NEUROD1: variants seen among roughly 807,000 people sequenced by gnomAD.
NEUROD1 encodes neuronal differentiation 1.
NEUROD1 carries 9 observed loss-of-function variants against 21.8 expected under a neutral mutation model. The observed-to-expected ratio is 0.41, with a 90% CI of 0.25 to 0.72. NEUROD1 has a LOEUF of 0.72. NEUROD1 is among the 30% of genes least tolerant of loss of function. The pLI is 0.31. For missense variants in NEUROD1, 434 were observed against 468.8 expected, an observed-to-expected ratio of 0.93 and a Z score of 0.69; for synonymous variants, 199 against 186.2, an observed-to-expected ratio of 1.07 and a Z score of -0.56.
At position 181,676,960 on chromosome 2, in the gene NEUROD1, T is replaced by C. The variant is rs1005173529; in HGVS notation, c.*830A>G. On this transcript the variant is annotated 3_prime_UTR_variant, in exon 2 of 2. Transcript: ENST00000295108. Reference sequence around the variant, plus strand: ...TGTTGGCATTTATTTATAATATGTATATACAAGCTTGTGCAAGTAATGTGT... The same window carrying C: ...TGTTGGCATTTATTTATAATATGTACATACAAGCTTGTGCAAGTAATGTGT... 2.0e-5 allele frequency: 3 copies of C among 152,488 alleles called. No individual in the cohort carries two copies. Among genetic ancestry groups the C allele is most frequent in the African/African-American group, 7.2e-5 (3 of 41,440 alleles). The allele number at this position is 152,488 out of a possible 1,614,324, so 9.4% of individuals were successfully genotyped here.
downstream of NEUROD1, among the ~76,000 whole-genome samples, chr2:181,670,065 A>C (rs145773074): frequency 3.0e-3 from 450 of 152,360 alleles, 4 homozygotes; most frequent in African/African-American, 0.01. Flanking sequence ...CTTGTGTGTT[A>C]AATGAGTGTC....
chr2:181,678,082 G>C lies in NEUROD1; in HGVS notation c.779C>G (p.Pro260Arg). 1.2e-6 allele frequency: 2 copies of C among 1,614,230 alleles called. No homozygotes were observed. Among genetic ancestry groups the C allele is most frequent in the Non-Finnish European group, 1.7e-6 (2 of 1,180,054 alleles). The change falls in exon 2 of 2, where the codon CCT becomes CGT. Residue 260 changes from proline (P) to arginine (R), a missense_variant. Pro to Arg is a moderately radical substitution (Grantham distance 103). Coordinates refer to ENST00000295108, the MANE Select transcript of NEUROD1 (RefSeq NM_002500.5). This position sits in a 1 kb window ranked among gnomAD's most constrained non-coding sequence, Gnocchi z 5.5. ...GGAAGGGCTGGTGCAATCAGTCAGA[G>C]GGCTTTCAAAGAAGGGCTCCAGCGC... ...SAALEPFFESPLTDCTSPSFD... is the reference protein window; with the variant it reads ...SAALEPFFESRLTDCTSPSFD...
rs140129079 is a variant in NEUROD1, at chr2:181,677,826, G to T, written c.1035C>A (p.Val345=). 57 of 1,614,006 alleles carry T rather than the reference G, an allele frequency of 3.5e-5. No individual in the cohort carries two copies. Among genetic ancestry groups the T allele is most frequent in the Non-Finnish European group, 4.6e-5 (54 of 1,180,004 alleles). Residue 345 remains valine (V), a synonymous_variant, in exon 2 of 2, where the codon GTC becomes GTA. Coordinates refer to ENST00000295108, the MANE Select transcript of NEUROD1 (RefSeq NM_002500.5). Reference sequence around the variant, plus strand: ...ATATGGCATTGAGCTGGGCACTCATGACTCGCTCATGATGTGAATGGCTAT... The same window carrying T: ...ATATGGCATTGAGCTGGGCACTCATTACTCGCTCATGATGTGAATGGCTAT... The part of the protein sequence containing the change: ...SFDSHSHHER[V]MSAQLNAIFH...
chr2:181,674,324 A>G (rs558196874), downstream of NEUROD1, among the ~76,000 whole-genome samples: 13 of 152,262 alleles, frequency 8.5e-5, no homozygotes, highest in South Asian at 2.1e-3. Flanking sequence ...AACTAAACGA[A>G]ATATTTTTTC....
chr2:181,677,590 A>ATAG lies in NEUROD1; in HGVS notation c.*199_*200insCTA. ...ATTTTTTAAATAGAAGAGCTATAGA[A>ATAG]AATAATACATAAGGTGAACAGGAAC... On this transcript the variant is annotated 3_prime_UTR_variant, in exon 2 of 2. Transcript: ENST00000295108. The ATAG allele has an allele frequency of 1.1e-6, 1 of 915,194 alleles. No individual in the cohort carries two copies. The highest frequency in any genetic ancestry group is 1.6e-6 in the Non-Finnish European group (1 of 610,140). 56.7% of individuals were successfully genotyped at this position (915,194 alleles called of 1,614,324 possible). A position where few individuals can be genotyped will look rare whatever the true frequency, so the allele number is the denominator to read the frequency against.
downstream of NEUROD1, among the ~76,000 whole-genome samples, chr2:181,669,029 A>T (rs1322393270): frequency 6.6e-6 from 1 of 152,138 alleles, no homozygotes; most frequent in Non-Finnish European, 1.5e-5. Flanking sequence ...CCTGACTCCT[A>T]TATCTGGATA....
Position 181,678,195 on chromosome 2 carries a change from C to A in NEUROD1, c.666G>T (p.Gln222His), listed in dbSNP as rs760454308. The A allele has an allele frequency of 1.2e-6, 2 of 1,613,966 alleles. No individual in the cohort carries two copies. The highest frequency in any genetic ancestry group is 1.7e-6 in the Non-Finnish European group (2 of 1,180,002). ...ASFPVHPYSY[Q>H]SPGLPSPPYG... The stretch of plus-strand genomic sequence containing the variant: ...AAGGCGGACTGGGCAGCCCAGGCGA[C>A]TGGTAGGAGTAGGGGTGTACAGGGA... The change falls in exon 2 of 2, where the codon CAG becomes CAT. Residue 222 changes from glutamine to histidine, a missense_variant. Coordinates refer to ENST00000295108, the MANE Select transcript of NEUROD1 (RefSeq NM_002500.5). This position sits in a 1 kb window ranked among gnomAD's most constrained non-coding sequence, Gnocchi z 5.5.
downstream of NEUROD1, among the ~76,000 whole-genome samples, chr2:181,672,206 C>T (rs917146824): frequency 1.3e-5 from 2 of 152,066 alleles, no homozygotes; most frequent in Admixed American, 1.3e-4. Flanking sequence ...ACTCATGATC[C>T]TCAAAAAGGA....
downstream of NEUROD1, among the ~76,000 whole-genome samples, chr2:181,671,885 C>T (rs895776631): frequency 1.3e-5 from 2 of 152,168 alleles, no homozygotes; most frequent in Admixed American, 6.5e-5. Context: ...TGCAATACCC[C>T]TTCATTGACG....
chr2:181,671,645 G>A (rs1025055166), downstream of NEUROD1, among the ~76,000 whole-genome samples: 1 of 152,012 alleles, frequency 6.6e-6, no homozygotes, highest in East Asian at 1.9e-4. Flanking sequence ...TGCCCAGACT[G>A]GTCTTGAACT....
Position 181,678,180 on chromosome 2 carries a change from G to C in NEUROD1, c.681C>G (p.Pro227=). 1.2e-6 allele frequency: 2 copies of C among 1,614,162 alleles called. No individual in the cohort carries two copies. Among genetic ancestry groups the C allele is most frequent in the Non-Finnish European group, 1.7e-6 (2 of 1,180,020 alleles). Residue 227 remains proline (P), a synonymous_variant, in exon 2 of 2, where the codon CCC becomes CCG. Transcript: ENST00000295108. The surrounding 1 kb of genome is among the most constrained non-coding windows in gnomAD (Gnocchi z 5.5). The part of the protein sequence containing the change: ...HPYSYQSPGL[P]SPPYGTMDSS... ...TGTCCATGGTACCGTAAGGCGGACT[G>C]GGCAGCCCAGGCGACTGGTAGGAGT...
At chr2:181,671,320 C>T (rs1278428853) in exon 2 of NEUROD1, among the ~76,000 whole-genome samples, 2 of 152,036 alleles carry the variant, frequency 1.3e-5, no homozygotes, top group Non-Finnish European at 2.9e-5. Flanking sequence ...AATATCACTA[C>T]TTAGGTTTAG....
At chr2:181,676,427 A>G (rs1426994184), downstream of NEUROD1, 1 of 152,642 alleles carries the variant, frequency 6.6e-6, no homozygotes, top group African/African-American at 2.4e-5. Flanking sequence ...CCCCAAAAAT[A>G]AAAACAGAAT....
At chr2:181,669,066 T>A (rs1688459866), downstream of NEUROD1, among the ~76,000 whole-genome samples, 1 of 152,162 alleles carries the variant, frequency 6.6e-6, no homozygotes, top group Non-Finnish European at 1.5e-5. Context: ...AATGTAATTC[T>A]GTACCTATGT....
chr2:181,674,026 T>C (rs1382059321), downstream of NEUROD1, among the ~76,000 whole-genome samples: 1 of 152,142 alleles, frequency 6.6e-6, no homozygotes, highest in Non-Finnish European at 1.5e-5. Flanking sequence ...TGATTAAAAG[T>C]AGATAGATCA....
At chr2:181,672,128 T>C (rs1052098751), downstream of NEUROD1, among the ~76,000 whole-genome samples, 2 of 152,210 alleles carry the variant, frequency 1.3e-5, no homozygotes, top group African/African-American at 2.4e-5. Context: ...TATAATAGTT[T>C]TTCTTTTATT....
At chr2:181,674,857 A>G (rs189317744), downstream of NEUROD1, among the ~76,000 whole-genome samples, 49 of 152,312 alleles carry the variant, frequency 3.2e-4, no homozygotes, top group Non-Finnish European at 4.4e-5. Context: ...TTACAAAAGA[A>G]CACAGTCTAG....
downstream of NEUROD1, among the ~76,000 whole-genome samples, chr2:181,670,117 C>T (rs1295871350): frequency 2.6e-5 from 4 of 152,142 alleles, no homozygotes. Flanking sequence ...TTCAAAAGCT[C>T]TATTAATATA....
chr2:181,677,845 T>C lies in NEUROD1; in HGVS notation c.1016A>G (p.His339Arg). The C allele has an allele frequency of 6.2e-7, 1 of 1,614,182 alleles. No individual in the cohort carries two copies. The part of the protein sequence containing the change: ...PIDNIMSFDS[H>R]SHHERVMSAQ... ...ACTCATGACTCGCTCATGATGTGAA[T>C]GGCTATCGAAGGACATAATATTGTC... The change falls in exon 2 of 2, where the codon CAT becomes CGT. Residue 339 changes from histidine (H) to arginine (R), a missense_variant. Transcript: ENST00000295108.
Sources: allele counts gnomAD v4.1 joint callset (sites outside exome capture counted in the v4.1 genomes callset), GRCh38; gene constraint gnomAD v4.1.1; non-coding constraint Gnocchi (gnomAD v3.1); transcripts MANE v1.5; gene names NCBI Gene and HGNC (gene_info 2026-07-23, HGNC 2026-07-21).